Variants in IL1RAPL2 observed in about 807,000 individuals in gnomAD.
The protein encoded by IL1RAPL2 is interleukin 1 receptor accessory protein like 2, also known as X-linked interleukin-1 receptor accessory protein-like 2.
A neutral mutation model predicts 44.1 loss-of-function variants in IL1RAPL2; 3 were observed. The observed-to-expected ratio is 0.07, with a 90% CI of 0.03 to 0.18. The LOEUF is 0.18. Ranked by LOEUF, IL1RAPL2 falls within the 10% of genes least tolerant of loss-of-function variation. IL1RAPL2 has a pLI of 1.00. For missense variants in IL1RAPL2, 391 were observed against 496.4 expected (o/e 0.79, Z 2.02); for synonymous variants, 181 against 178.8 (o/e 1.01, Z -0.10).
chrX:105,026,851 A>T (rs111763192), intron 2 of IL1RAPL2, among the ~76,000 whole-genome samples: 3,043 of 72,058 alleles, frequency 0.042, 118 homozygotes, highest in African/African-American at 0.14. Flanking sequence ...TAAAATTTAT[A>T]TGGAACCACA....
At chrX:105,163,200 A>G (rs1336502507) in intron 2 of IL1RAPL2, among the ~76,000 whole-genome samples, 1 of 111,694 alleles carries the variant, frequency 9.0e-6, no homozygotes, top group Non-Finnish European at 1.9e-5. Context: ...CTATGGCCAA[A>G]AAAGCTGAAA....
intron 5 of IL1RAPL2, among the ~76,000 whole-genome samples, chrX:105,479,198 TC>T (rs1439216776): frequency 9.0e-6 from 1 of 111,154 alleles, no homozygotes; most frequent in African/African-American, 3.3e-5. Context: ...TCAATTCAGG[TC>T]CCTTCTTTAG....
chrX:105,261,169 G>A (rs771072152), intron 4 of IL1RAPL2, among the ~76,000 whole-genome samples: 3 of 111,811 alleles, frequency 2.7e-5, no homozygotes, highest in Admixed American at 1.9e-4. Flanking sequence ...GCAAAGATCC[G>A]TGGGAGAAGG....
At chrX:105,665,742 GT>G (rs1178543516) in intron 6 of IL1RAPL2, among the ~76,000 whole-genome samples, 37 of 83,698 alleles carry the variant, frequency 4.4e-4, no homozygotes, top group African/African-American at 9.1e-4. Context: ...TTGTTTTTTT[GT>G]TTTTTTTTTT....
At chrX:105,628,760 T>C (rs1969509415) in intron 6 of IL1RAPL2, among the ~76,000 whole-genome samples, 1 of 111,331 alleles carries the variant, frequency 9.0e-6, no homozygotes, top group African/African-American at 3.3e-5. Context: ...CTGGCCAACA[T>C]GGCAAATCCC....
At chrX:104,818,600 A>G (rs981225502) in intron 2 of IL1RAPL2, among the ~76,000 whole-genome samples, 1 of 110,734 alleles carries the variant, frequency 9.0e-6, no homozygotes, top group Non-Finnish European at 1.9e-5. Context: ...ACCTTTCATG[A>G]CAGTTGAGAC....
At chrX:104,938,022 T>C (rs1925067184) in intron 2 of IL1RAPL2, among the ~76,000 whole-genome samples, 1 of 112,508 alleles carries the variant, frequency 8.9e-6, no homozygotes. Context: ...CAGAGCACTT[T>C]GCATTATTTG....
intron 2 of IL1RAPL2, among the ~76,000 whole-genome samples, chrX:105,063,271 T>C (rs903626797): frequency 8.0e-5 from 9 of 112,535 alleles, no homozygotes; most frequent in African/African-American, 2.9e-4. Flanking sequence ...TATTTTAATC[T>C]CTTTGTTAAG....
intron 2 of IL1RAPL2, among the ~76,000 whole-genome samples, chrX:104,998,209 T>A (rs745710865): frequency 1.4e-4 from 16 of 111,506 alleles, no homozygotes; most frequent in Non-Finnish European, 1.7e-4. Context: ...AAGGAAGTGG[T>A]CAACTAACTT....
chrX:104,819,793 T>C (rs1405673677), intron 2 of IL1RAPL2, among the ~76,000 whole-genome samples: 1 of 112,029 alleles, frequency 8.9e-6, no homozygotes, highest in Non-Finnish European at 1.9e-5. Flanking sequence ...TTTACACTGT[T>C]TGTGTGATGT....
chrX:104,710,594 ATTG>A (rs1182814284), intron 2 of IL1RAPL2, among the ~76,000 whole-genome samples: 1 of 111,382 alleles, frequency 9.0e-6, no homozygotes, highest in Non-Finnish European at 1.9e-5. Flanking sequence ...ATGCCACTGA[ATTG>A]TTCACTTTAA....
chrX:105,217,646 C>G (rs1757569902), intron 3 of IL1RAPL2, among the ~76,000 whole-genome samples: 1 of 112,261 alleles, frequency 8.9e-6, no homozygotes, highest in African/African-American at 3.2e-5. Context: ...AAGACACATG[C>G]ACACATATGT....
At chrX:105,428,566 C>CT (rs1044471881) in intron 5 of IL1RAPL2, among the ~76,000 whole-genome samples, 13 of 111,754 alleles carry the variant, frequency 1.2e-4, no homozygotes, top group African/African-American at 4.2e-4. Context: ...TGTTCACCTT[C>CT]TTTTTGCATT....
At chrX:105,668,422 G>T (rs1423119907) in intron 6 of IL1RAPL2, among the ~76,000 whole-genome samples, 1 of 112,413 alleles carries the variant, frequency 8.9e-6, no homozygotes, top group Non-Finnish European at 1.9e-5. Flanking sequence ...TAATAGGGGA[G>T]GGTTGTCACT....
chrX:105,400,714 A>G (rs2035600910), intron 5 of IL1RAPL2, among the ~76,000 whole-genome samples: 1 of 112,167 alleles, frequency 8.9e-6, no homozygotes, highest in African/African-American at 3.2e-5. Context: ...CACTAAGTTA[A>G]CTTGTCTTTT....
chrX:105,354,679 C>T (rs1424620230), intron 5 of IL1RAPL2, among the ~76,000 whole-genome samples: 1 of 111,132 alleles, frequency 9.0e-6, no homozygotes, highest in Non-Finnish European at 1.9e-5. Context: ...ATATTCTAAA[C>T]AGTCATGATC....
At chrX:105,056,963 A>G (rs1440228976) in intron 2 of IL1RAPL2, among the ~76,000 whole-genome samples, 1 of 109,881 alleles carries the variant, frequency 9.1e-6, no homozygotes, top group East Asian at 2.9e-4. Context: ...TAATTTTTGC[A>G]TCTCCTGCTC....
chrX:105,251,371 C>T (rs1458140716), intron 4 of IL1RAPL2, among the ~76,000 whole-genome samples: 1 of 109,685 alleles, frequency 9.1e-6, no homozygotes, highest in Non-Finnish European at 1.9e-5. Flanking sequence ...TAATCTGTGC[C>T]TTCTGTCATA....
chrX:104,602,004 G>A (rs1165647073), intron 1 of IL1RAPL2, among the ~76,000 whole-genome samples: 1 of 112,248 alleles, frequency 8.9e-6, no homozygotes, highest in East Asian at 2.8e-4. Flanking sequence ...CCCACCAACA[G>A]TAGATTGGAT....
Sources: gnomAD v4.1 joint callset for allele counts (sites outside exome capture counted in the v4.1 genomes callset) on GRCh38, gnomAD v4.1.1 for gene constraint, MANE v1.5 for transcripts, NCBI Gene and HGNC (gene_info 2026-07-23, HGNC 2026-07-21) for gene names.